UPF1: variants seen among roughly 807,000 people sequenced by gnomAD.
UPF1 encodes UPF1 RNA helicase and ATPase.
In UPF1, 9 loss-of-function variants were observed where a neutral mutation model predicts 129.2. The ratio of observed to expected loss-of-function variants is 0.07; its 90% confidence interval spans 0.04 to 0.12. UPF1 has a LOEUF of 0.12. Ranked by LOEUF, UPF1 falls within the 10% of genes least tolerant of loss-of-function variation. UPF1 has a pLI of 1.00. For synonymous variants in UPF1, 649 were observed against 644.9 expected (o/e 1.01, Z -0.10); for missense variants, 788 against 1,525.3 (o/e 0.52, Z 8.05).
chr19:18,867,671 A>C lies in UPF1; in HGVS notation c.*1154A>C, dbSNP rs118015691. The C allele has an allele frequency of 0.012, 1,889 of 152,668 alleles. 15 individuals are homozygous for C. Among genetic ancestry groups the C allele is most frequent in the Non-Finnish European group, 0.022 (1,500 of 68,284 alleles). 9.5% of individuals were successfully genotyped at this position (152,668 alleles called of 1,614,324 possible). A position where few individuals can be genotyped will look rare whatever the true frequency, so the allele number is the denominator to read the frequency against. On this transcript the variant is annotated 3_prime_UTR_variant, in exon 24 of 24. Transcript: ENST00000262803. ...GGGTGATTGCTGCTTCTGGGGGGTA[A>C]GGAAACAAGTTACAGAAATTACCGC...
chr19:18,853,190 C>CTCCCT lies in UPF1; in HGVS notation c.1058-61_1058-57dup. ...TGTAAAGTGCCCCTTAATTTGAACT[C>CTCCCT]TCCCTGGTGGAAGCGACGGCGTGGG... On this transcript the variant is annotated intron_variant, in intron 7 of 23. Transcript: ENST00000262803. This position sits in a 1 kb window ranked among gnomAD's most constrained non-coding sequence, Gnocchi z 4.4. The CTCCCT allele has an allele frequency of 6.3e-7, 1 of 1,595,830 alleles. No homozygotes were observed. Among genetic ancestry groups the CTCCCT allele is most frequent in the Non-Finnish European group, 8.6e-7 (1 of 1,167,514 alleles).
chr19:18,858,419 C>T (rs1228814381), intron 15 of UPF1, among the ~76,000 whole-genome samples: 1 of 152,016 alleles, frequency 6.6e-6, no homozygotes, highest in Non-Finnish European at 1.5e-5. Context: ...TGAAATGTGT[C>T]AGCCTTTGGA....
chr19:18,856,478 A>G (rs1257259194), intron 13 of UPF1, among the ~76,000 whole-genome samples, 178 bp downstream of exon 13: 4 of 152,158 alleles, frequency 2.6e-5, no homozygotes, highest in Non-Finnish European at 5.9e-5. Context: ...GCTGCCTGGA[A>G]CACGGTCTTC....
At position 18,853,838 on chromosome 19, in the gene UPF1, G is replaced by A. The variant is rs377393317; in HGVS notation, c.1156+488G>A. On this transcript the variant is annotated intron_variant, in intron 8 of 23. Transcript: ENST00000262803. The surrounding 1 kb of genome is among the most constrained non-coding windows in gnomAD (Gnocchi z 4.4). ...GCCTGCCGGCCAGAGTGGGGCAGCT[G>A]TAAGGCACAGGTGCAGTCAGAGGCT... Among the ~76,000 whole-genome samples, 7 of 152,232 alleles carry A rather than the reference G, an allele frequency of 4.6e-5. No individual in the cohort carries two copies. The highest frequency in any genetic ancestry group is 1.9e-4 in the East Asian group (1 of 5,194).
Position 18,855,141 on chromosome 19 carries a change from T to C in UPF1, c.1443T>C (p.Thr481=), listed in dbSNP as rs1270730909. Residue 481 remains threonine (T), a synonymous_variant, in exon 11 of 24, where the codon ACT becomes ACC. Transcript: ENST00000262803. ...TATTGAAGGTTTATGCCGTGAAGAC[T>C]GTGCTGCAAAGACCACTGAGCCTGA... ...LNHSQVYAVK[T]VLQRPLSLIQ... 3 of 1,613,858 alleles carry C rather than the reference T, an allele frequency of 1.9e-6. No individual in the cohort carries two copies. The African/African-American group carries it at 4.0e-5, about 22-fold the overall frequency.
Position 18,855,262 on chromosome 19 carries a change from T to C in UPF1, c.1544+20T>C. On this transcript the variant is annotated intron_variant, in intron 11 of 23. Transcript: ENST00000262803. ...CAACGGGTAGGGCTGACACGGCCCT[T>C]GCGGGCAAGACCCGGGAGGGCTTTA... is the stretch of plus-strand genomic sequence containing the variant. The C allele has an allele frequency of 1.2e-6, 2 of 1,606,036 alleles. No homozygotes were observed. The highest frequency in any genetic ancestry group is 2.2e-5 in the East Asian group (1 of 44,866).
chr19:18,859,090 A>G (rs554375184), intron 15 of UPF1, among the ~76,000 whole-genome samples: 1 of 152,292 alleles, frequency 6.6e-6, no homozygotes, highest in East Asian at 1.9e-4. Context: ...TTGACATCGC[A>G]GGGACACCGC....
intron 23 of UPF1, 78 bp from the exon 24 acceptor site, chr19:18,866,443 C>T (rs1036919997): frequency 2.3e-5 from 10 of 431,196 alleles, no homozygotes; most frequent in African/African-American, 1.9e-4. Flanking sequence ...GGCTCTCCCT[C>T]ACTGTCCTGT....
At chr19:18,860,665 C>T (rs73923171) in intron 16 of UPF1, among the ~76,000 whole-genome samples, 161 bp from the exon 17 acceptor site, 4,595 of 152,292 alleles carry the variant, frequency 0.03, 87 homozygotes, top group East Asian at 0.1. Flanking sequence ...TTCTGCCCCT[C>T]GAGACTCCCC....
chr19:18,860,123 C>T, intron 15 of UPF1, 198 bp from the exon 16 acceptor site: 1 of 606,092 alleles, frequency 1.6e-6, no homozygotes, highest in South Asian at 2.1e-5. Flanking sequence ...TCTCGGTGGC[C>T]TCTCCTCAGC....
intron 1 of UPF1, among the ~76,000 whole-genome samples, chr19:18,836,582 AT>A (rs1244607625): frequency 7.9e-5 from 12 of 152,262 alleles, no homozygotes; most frequent in African/African-American, 2.2e-4. Flanking sequence ...CTTGGGGGTA[AT>A]GGACGTTTTT....
chr19:18,832,349 CCCCCGGCGG>C lies in UPF1; in HGVS notation c.153_161del (p.Pro54_Gly56del), dbSNP rs764238330. The C allele has an allele frequency of 5.7e-5, 78 of 1,365,518 alleles. No homozygotes were observed. The highest frequency in any genetic ancestry group is 4.4e-4 in the Admixed American group (20 of 45,100). The allele number at this position is 1,365,518 out of a possible 1,614,324, so 84.6% of individuals were successfully genotyped here. A position where few individuals can be genotyped will look rare whatever the true frequency, so the allele number is the denominator to read the frequency against. ...ACTCTTCCTAGCCAGACGCAGACGC[CCCCCGGCGG>C]CCCCGGCGGCCCGGGCGGTGGCGGC... On this transcript the variant is annotated inframe_deletion, in exon 1 of 24. Coordinates refer to ENST00000262803, the MANE Select transcript of UPF1 (RefSeq NM_002911.4). The surrounding 1 kb of genome is among the most constrained non-coding windows in gnomAD (Gnocchi z 5.6).
At chr19:18,860,185 C>T in intron 15 of UPF1, 136 bp from the exon 16 acceptor site, 1 of 926,942 alleles carries the variant, frequency 1.1e-6, no homozygotes, top group Non-Finnish European at 1.7e-6. Context: ...GGTGACCTCA[C>T]CAGGGCCTCA....
rs867700470 is a variant in UPF1 at position 18,866,926 on chromosome 19, G to T, written c.*409G>T. On this transcript the variant is annotated 3_prime_UTR_variant, in exon 24 of 24. Transcript: ENST00000262803. ...ACTTCGCATTTCTGTGCCCGAGCAG[G>T]CTCCTTGCAAAGACAGCAGCGTGCG... 6 of 152,638 alleles carry T rather than the reference G, an allele frequency of 3.9e-5. No individual in the cohort carries two copies. The South Asian group carries it at 8.3e-4, about 21-fold the overall frequency. 9.5% of individuals were successfully genotyped at this position (152,638 alleles called of 1,614,324 possible).
At chr19:18,852,393 A>G (rs1383459723) in intron 6 of UPF1, 97 bp downstream of exon 6, 2 of 1,541,714 alleles carry the variant, frequency 1.3e-6, no homozygotes, top group Non-Finnish European at 1.7e-6. Flanking sequence ...AGGCTGTGGG[A>G]GCTGATGTGG....
chr19:18,846,620 G>A (rs2055603339), intron 2 of UPF1, among the ~76,000 whole-genome samples: 1 of 152,104 alleles, frequency 6.6e-6, no homozygotes. Flanking sequence ...TTCTCATCTC[G>A]AGTGGGATCG....
At chr19:18,864,387 G>A (rs907284476) in intron 20 of UPF1, 136 bp downstream of exon 20, 32 of 688,378 alleles carry the variant, frequency 4.6e-5, no homozygotes, top group Non-Finnish European at 6.1e-5. Flanking sequence ...TGGCCTCCCC[G>A]CCCCTAGGGC....
Position 18,832,353 on chromosome 19 carries a change from CGGCGGCCCCGGCGGCCCGGGCGGT to C in UPF1, c.151_174del (p.Pro51_Gly58del). ...TTCCTAGCCAGACGCAGACGCCCCC[CGGCGGCCCCGGCGGCCCGGGCGGT>C]GGCGGCGCGGGAGGCCCGGGCGGCG... On this transcript the variant is annotated inframe_deletion, in exon 1 of 24. Transcript: ENST00000262803. The surrounding 1 kb of genome is among the most constrained non-coding windows in gnomAD (Gnocchi z 5.6). 2 of 1,339,070 alleles carry C rather than the reference CGGCGGCCCCGGCGGCCCGGGCGGT, an allele frequency of 1.5e-6. No individual in the cohort carries two copies. Among genetic ancestry groups the C allele is most frequent in the Non-Finnish European group, 2.0e-6 (2 of 1,022,156 alleles). The allele number at this position is 1,339,070 out of a possible 1,614,324, so 82.9% of individuals were successfully genotyped here. A position where few individuals can be genotyped will look rare whatever the true frequency, so the allele number is the denominator to read the frequency against.
At chr19:18,849,976 A>T in intron 3 of UPF1, 99 bp from the exon 4 acceptor site, 13 of 1,483,018 alleles carry the variant, frequency 8.8e-6, no homozygotes, top group Non-Finnish European at 1.2e-5. Context: ...CTGCTAATGG[A>T]CCGTGAACGG....
Sources: gnomAD v4.1 joint callset for allele counts (sites outside exome capture counted in the v4.1 genomes callset) on GRCh38, gnomAD v4.1.1 for gene constraint, Gnocchi (gnomAD v3.1) non-coding constraint, MANE v1.5 for transcripts, NCBI Gene and HGNC (gene_info 2026-07-23, HGNC 2026-07-21) for gene names.